Variants in PHF21B observed in about 807,000 individuals in gnomAD.
PHF21B encodes the protein PHD finger protein 4.
In PHF21B, 22 loss-of-function variants were observed where a neutral mutation model predicts 62.2. The observed-to-expected ratio is 0.35, with a 90% CI of 0.25 to 0.51. The LOEUF is 0.51. Among genes scored for constraint, PHF21B ranks in the 20% least tolerant of loss-of-function variants. The probability of loss-of-function intolerance (pLI) is 0.97; values close to 1 mark genes in which losing one functional copy is unlikely to be tolerated. For synonymous variants in PHF21B, 341 were observed against 314.7 expected, an observed-to-expected ratio of 1.08 and a Z score of -0.88; for missense variants, 701 against 707.9, an observed-to-expected ratio of 0.99 and a Z score of 0.11.
chr22:44,969,998 C>T (rs1316137483), intron 2 of PHF21B, among the ~76,000 whole-genome samples: 3 of 152,222 alleles, frequency 2.0e-5, no homozygotes, highest in African/African-American at 7.2e-5. Flanking sequence ...AGCAGCGCAG[C>T]CACTTCATGA....
rs144291881 is a variant in PHF21B, at chr22:44,987,101, GGCTA to G, written c.120+21440_120+21443del. Among the ~76,000 whole-genome samples the G allele has an allele frequency of 6.1e-3, 922 of 152,322 alleles. 9 individuals are homozygous for G. Among genetic ancestry groups the G allele is most frequent in the African/African-American group, 0.02 (818 of 41,568 alleles). On this transcript the variant is annotated intron_variant, in intron 2 of 12. Transcript: ENST00000313237. ...TTACGCACAGAAGAGTAACATAAAAGGCTAGCTAAACTTGAGACAAACAACTTTG... is the reference window on the plus strand; with the variant it reads ...TTACGCACAGAAGAGTAACATAAAAGGCTAAACTTGAGACAAACAACTTTG...
chr22:44,937,424 A>G (rs531538863), intron 2 of PHF21B, among the ~76,000 whole-genome samples: 37 of 152,320 alleles, frequency 2.4e-4, no homozygotes, highest in African/African-American at 7.9e-4. Flanking sequence ...ACGGAGACCC[A>G]AGTGGGCTGA....
At chr22:44,946,937 C>A (rs539906747) in intron 2 of PHF21B, among the ~76,000 whole-genome samples, 1 of 152,174 alleles carries the variant, frequency 6.6e-6, no homozygotes, top group Non-Finnish European at 1.5e-5. Flanking sequence ...GACCTGGAAA[C>A]GGGGCACAGG....
intron 12 of PHF21B, among the ~76,000 whole-genome samples, chr22:44,884,915 T>A (rs5766165): frequency 0.28 from 42,651 of 151,890 alleles, 6,486 homozygotes; most frequent in East Asian, 0.62. Flanking sequence ...ACCACAACCA[T>A]CATCTTCATT....
intron 2 of PHF21B, among the ~76,000 whole-genome samples, chr22:44,961,980 T>C (rs754178656): frequency 1.4e-4 from 21 of 152,200 alleles, no homozygotes; most frequent in Non-Finnish European, 2.9e-4. Context: ...CCATGGTGTA[T>C]ATGTACCACA....
chr22:44,948,115 G>T (rs1010755530), intron 2 of PHF21B, among the ~76,000 whole-genome samples: 18 of 149,762 alleles, frequency 1.2e-4, no homozygotes, highest in African/African-American at 4.0e-4. Flanking sequence ...GTGGAAGATG[G>T]TTTTTCCACG....
chr22:44,933,736 G>GAGAC (rs2071788852), intron 2 of PHF21B, among the ~76,000 whole-genome samples: 1 of 140,010 alleles, frequency 7.1e-6, no homozygotes, highest in Non-Finnish European at 1.6e-5. Context: ...GAGAGAGAGA[G>GAGAC]ACAGACAGAC....
At chr22:44,980,449 T>C (rs1487347792) in intron 2 of PHF21B, among the ~76,000 whole-genome samples, 2 of 152,148 alleles carry the variant, frequency 1.3e-5, no homozygotes, top group Non-Finnish European at 2.9e-5. Context: ...ACACAGGGCG[T>C]CCACACTGCA....
intron 5 of PHF21B, 47 bp downstream of exon 5, chr22:44,913,775 C>T (rs1345013909): frequency 7.0e-6 from 11 of 1,575,192 alleles, no homozygotes; most frequent in Non-Finnish European, 8.6e-6. Flanking sequence ...TCAGATGGCA[C>T]CTGCAGACTG....
At chr22:44,935,591 G>A (rs1460747293) in intron 2 of PHF21B, among the ~76,000 whole-genome samples, 1 of 151,166 alleles carries the variant, frequency 6.6e-6, no homozygotes, top group African/African-American at 2.4e-5. Context: ...TCTAGCCTGG[G>A]CGACAGAGCA....
intron 3 of PHF21B, among the ~76,000 whole-genome samples, chr22:44,919,253 T>C (rs528896544): frequency 1.3e-5 from 2 of 152,338 alleles, no homozygotes; most frequent in African/African-American, 4.8e-5. Flanking sequence ...TTTCCTTGTC[T>C]GTCCTCCCTC....
At chr22:44,934,874 A>G (rs1461629813) in intron 2 of PHF21B, among the ~76,000 whole-genome samples, 3 of 152,142 alleles carry the variant, frequency 2.0e-5, no homozygotes, top group East Asian at 3.9e-4. Flanking sequence ...AGACCCACCG[A>G]AAGCTCAGCA....
intron 2 of PHF21B, among the ~76,000 whole-genome samples, chr22:44,970,117 C>G (rs904456256): frequency 6.6e-6 from 1 of 152,234 alleles, no homozygotes; most frequent in African/African-American, 2.4e-5. Context: ...CAGCCCAAGG[C>G]CACAGAGCTG....
At chr22:44,987,995 T>A (rs2072982542) in intron 2 of PHF21B, among the ~76,000 whole-genome samples, 1 of 152,188 alleles carries the variant, frequency 6.6e-6, no homozygotes, top group African/African-American at 2.4e-5. Flanking sequence ...GAGCTCCCCG[T>A]CACACAAAGA....
At chr22:44,970,603 C>T (rs1053618769) in intron 2 of PHF21B, among the ~76,000 whole-genome samples, 5 of 152,176 alleles carry the variant, frequency 3.3e-5, no homozygotes, top group African/African-American at 9.7e-5. Context: ...GGCCAATTCT[C>T]GGCCCTCCTT....
At chr22:45,008,876 GT>G in intron 1 of PHF21B, 12 of 1,174,888 alleles carry the variant, frequency 1.0e-5, no homozygotes, top group Non-Finnish European at 1.3e-5. Context: ...AGCCGTGCAA[GT>G]TTGCAGGCCG....
intron 3 of PHF21B, among the ~76,000 whole-genome samples, chr22:44,918,550 T>G (rs1396753630): frequency 6.6e-6 from 1 of 152,118 alleles, no homozygotes; most frequent in Non-Finnish European, 1.5e-5. Context: ...CCACCCTCTC[T>G]CCTTTCTCAG....
At chr22:45,007,940 T>C (rs2073356062) in intron 2 of PHF21B, among the ~76,000 whole-genome samples, 1 of 151,150 alleles carries the variant, frequency 6.6e-6, no homozygotes, top group African/African-American at 2.4e-5. Flanking sequence ...CTCCGACGCG[T>C]GGGAGCTTCT....
intron 5 of PHF21B, among the ~76,000 whole-genome samples, chr22:44,896,300 A>G (rs941005576): frequency 3.9e-5 from 6 of 152,142 alleles, no homozygotes; most frequent in Non-Finnish European, 7.4e-5. Context: ...GCCTCCTTGA[A>G]AACACTGGAT....
Sources: allele counts gnomAD v4.1 joint callset (sites outside exome capture counted in the v4.1 genomes callset), GRCh38; gene constraint gnomAD v4.1.1; transcripts MANE v1.5; gene names NCBI Gene and HGNC (gene_info 2026-07-23, HGNC 2026-07-21).